ATG2A: variants seen among roughly 807,000 people sequenced by gnomAD.
ATG2A encodes autophagy related 2A, also known as autophagy-related protein 2 homolog A.
ATG2A carries 103 observed loss-of-function variants against 214.2 expected under a neutral mutation model. The ratio of observed to expected loss-of-function variants is 0.48; its 90% CI spans 0.41 to 0.57. ATG2A has a LOEUF of 0.57. Ranked by LOEUF, ATG2A falls within the 20% of genes least tolerant of loss-of-function variation. The pLI is 0.00. For missense variants in ATG2A, 2,312 were observed against 2,613.2 expected, an observed-to-expected ratio of 0.88 and a Z score of 2.51; for synonymous variants, 1,160 against 1,142.1, an observed-to-expected ratio of 1.02 and a Z score of -0.32.
In ATG2A at chr11:64,914,119, AG is replaced by A; in HGVS notation, c.448del (p.Leu150TrpfsTer20). ...CTGGGCAAACATCTCCAGCCCCTCCAGGGGCTGTGGTGGCTCAGAGGGCTCC... is the reference window on the plus strand; with the variant it reads ...CTGGGCAAACATCTCCAGCCCCTCCAGGGCTGTGGTGGCTCAGAGGGCTCC... Reference protein sequence around the residue: ...LPEPSEPPQPLEGLEMFAQTI... With the variant: ...LPEPSEPPQPXEGLEMFAQTI... On this transcript the variant is annotated frameshift_variant, in exon 3 of 41. Transcript: ENST00000377264. LOFTEE classifies it high-confidence loss of function. 6.4e-7 allele frequency: 1 copy of A among 1,552,644 alleles called. No homozygotes were observed. The highest frequency in any genetic ancestry group is 2.0e-5 in the Admixed American group (1 of 51,096).
chr11:64,910,193 G>A lies in ATG2A; in HGVS notation c.1710C>T (p.Ser570=), dbSNP rs1390110875. Residue 570 remains serine (S), a splice_region_variant and synonymous_variant, in exon 13 of 41, where the codon AGC becomes AGT. Coordinates refer to ENST00000377264, the MANE Select transcript of ATG2A (RefSeq NM_015104.3). ...HTQILRRVPK[S]RPRRSVACHC... ...GGCAGGCAACTGAGCGCCGGGGTCG[G>A]CTCTGAGGGCGAGGGCGTTCAGGTC... 6.3e-7 allele frequency: 1 copy of A among 1,595,350 alleles called. No homozygotes were observed. Among genetic ancestry groups the A allele is most frequent in the Non-Finnish European group, 8.5e-7 (1 of 1,171,748 alleles).
chr11:64,907,142 A>G, intron 19 of ATG2A, 113 bp downstream of exon 19: 1 of 1,305,468 alleles, frequency 7.7e-7, no homozygotes. Context: ...GGCGCTGCCC[A>G]CTCAGGCCTC....
chr11:64,908,648 C>T (rs893948486), intron 16 of ATG2A, among the ~76,000 whole-genome samples: 1 of 151,934 alleles, frequency 6.6e-6, no homozygotes, highest in African/African-American at 2.4e-5. Context: ...GGTCAGATAA[C>T]TCCCCAGGGT....
Position 64,913,226 on chromosome 11 carries a change from G to T in ATG2A, c.726+40C>A. The T allele has an allele frequency of 6.2e-7, 1 of 1,612,226 alleles. No individual in the cohort carries two copies. Among genetic ancestry groups the T allele is most frequent in the Non-Finnish European group, 8.5e-7 (1 of 1,179,748 alleles). On this transcript the variant is annotated intron_variant, in intron 5 of 40. Coordinates refer to ENST00000377264, the MANE Select transcript of ATG2A (RefSeq NM_015104.3). This position sits in a 1 kb window ranked among gnomAD's most constrained non-coding sequence, Gnocchi z 4.3. ...ATGGGAGGGGCTCAATGGGCTCAAG[G>T]GAGAGGAGACAGGGGCTGTGGGAAT...
chr11:64,900,006 A>T (rs185500315), intron 31 of ATG2A, among the ~76,000 whole-genome samples: 1 of 147,484 alleles, frequency 6.8e-6, no homozygotes, highest in Non-Finnish European at 1.5e-5. Context: ...CTATAGGCAC[A>T]CACCACTGCA....
chr11:64,902,524 C>T lies in ATG2A; in HGVS notation c.3769G>A (p.Gly1257Ser), dbSNP rs1277498404. Residue 1257 changes from glycine to serine, a missense_variant, in exon 27 of 41, where the codon GGC becomes AGC. Transcript: ENST00000377264. Reference protein sequence around the residue: ...PRPPSPTEIAGQKLSESPASL... With the variant: ...PRPPSPTEIASQKLSESPASL... ...CCAGGCCTCACCTGTACCTTCTGGC[C>T]GGCGATCTCCGTGGGGCTGGGGGGC... The T allele has an allele frequency of 7.3e-6, 9 of 1,237,012 alleles. No homozygotes were observed. The highest frequency in any genetic ancestry group is 8.1e-5 in the East Asian group (2 of 24,682). 76.6% of individuals were successfully genotyped at this position (1,237,012 alleles called of 1,614,324 possible). A position where few individuals can be genotyped will look rare whatever the true frequency, so the allele number is the denominator to read the frequency against.
chr11:64,912,053 C>T, intron 8 of ATG2A, 32 bp downstream of exon 8: 3 of 1,612,362 alleles, frequency 1.9e-6, no homozygotes, highest in Non-Finnish European at 2.5e-6. Flanking sequence ...ACACTAGCTG[C>T]CCCTCCAACC....
chr11:64,895,415 G>C lies in ATG2A; in HGVS notation c.5455C>G (p.Leu1819Val), dbSNP rs1275313271. The C allele has an allele frequency of 6.2e-7, 1 of 1,604,132 alleles. No individual in the cohort carries two copies. The change falls in exon 40 of 41, where the codon CTG (leucine) becomes GTG (valine). Residue 1819 changes from leucine (L) to valine (V), a missense_variant. Transcript: ENST00000377264. The surrounding 1 kb of genome is among the most constrained non-coding windows in gnomAD (Gnocchi z 5.0). ...QATAETVYDI[L>V]SPAAPVSRSL... ...CGGGAGACGGGGGCTGCCGGGGACA[G>C]GATGTCATACACGGTCTCAGCTGTG...
At position 64,917,193 on chromosome 11, in the gene ATG2A, C is replaced by G. The variant is rs920930930; in HGVS notation, c.-58G>C. The stretch of plus-strand genomic sequence containing the variant: ...TTGCCGCCCGCCGGCGATCCCCGTC[C>G]GGCTCCGCTGTTCACTAGAGCCCCC... On this transcript the variant is annotated 5_prime_UTR_variant, in exon 1 of 41. Transcript: ENST00000377264. 3.9e-6 allele frequency: 6 copies of G among 1,528,870 alleles called. No homozygotes were observed. In the East Asian group the frequency reaches 1.4e-4, roughly 36 times the overall value. 94.7% of individuals were successfully genotyped at this position (1,528,870 alleles called of 1,614,324 possible).
chr11:64,913,354 G>A lies in ATG2A; in HGVS notation c.638C>T (p.Pro213Leu), dbSNP rs181195252. 6.9e-5 allele frequency: 110 copies of A among 1,601,056 alleles called. No individual in the cohort carries two copies. In the East Asian group the frequency reaches 7.2e-4, roughly 10 times the overall value. ...EAVRDPSQAP[P>L]VDVHQPPAFL... ...GGCAGGCGGCTGATGCACGTCCACC[G>A]GCGGCGCCTGGCTTGGGTCCCGCAC... The change falls in exon 5 of 41, where the codon CCG becomes CTG. Residue 213 changes from proline to leucine, a missense_variant. Physicochemically the swap from Pro to Leu is moderately conservative, Grantham distance 98 (BLOSUM62 -3). Transcript: ENST00000377264. The surrounding 1 kb of genome is among the most constrained non-coding windows in gnomAD (Gnocchi z 4.3).
At chr11:64,901,193 T>TA in intron 29 of ATG2A, 101 bp from the exon 30 acceptor site, 1 of 1,281,852 alleles carries the variant, frequency 7.8e-7, no homozygotes, top group Non-Finnish European at 1.1e-6. Context: ...TTTTTTTTTT[T>TA]TTATAGACAG....
At chr11:64,916,598 T>TCA (rs1298839332) in intron 1 of ATG2A, among the ~76,000 whole-genome samples, 2 of 152,050 alleles carry the variant, frequency 1.3e-5, no homozygotes, top group East Asian at 3.9e-4. Context: ...CCCAAGTCTG[T>TCA]CACTGCCCTG....
rs768196765 is a variant in ATG2A at position 64,910,041 on chromosome 11, A to C, written c.1862T>G (p.Leu621Arg). 2 of 1,575,640 alleles carry C rather than the reference A, an allele frequency of 1.3e-6. No individual in the cohort carries two copies. The highest frequency in any genetic ancestry group is 3.5e-5 in the Admixed American group (2 of 57,160). The change falls in exon 13 of 41, where the codon CTG (leucine) becomes CGG (arginine). Residue 621 changes from leucine (L) to arginine (R), a missense_variant and splice_region_variant. By Grantham distance (102) the Leu-to-Arg change is moderately radical (BLOSUM62 -2). Coordinates refer to ENST00000377264, the MANE Select transcript of ATG2A (RefSeq NM_015104.3). ...TVPAEPPAGLLTEPLPAMEQQ... is the reference protein window; with the variant it reads ...TVPAEPPAGLRTEPLPAMEQQ... ...CTGGCCCTGGCAGGGGCCTCTCACCAGCAGGCCGGCTGGAGGCTCAGCAGG... is the reference window on the plus strand; with the variant it reads ...CTGGCCCTGGCAGGGGCCTCTCACCCGCAGGCCGGCTGGAGGCTCAGCAGG...
In ATG2A at chr11:64,903,633, G is replaced by T; in HGVS notation, c.3492C>A (p.Tyr1164Ter). The change falls in exon 25 of 41, where the codon TAC becomes TAA. Residue 1164 changes from tyrosine to a stop codon, truncating the protein, a stop_gained. Transcript: ENST00000377264. LOFTEE classifies it high-confidence loss of function. This position sits in a 1 kb window ranked among gnomAD's most constrained non-coding sequence, Gnocchi z 4.2. The part of the protein sequence containing the change: ...LRFILDDSAL[Y>*]LSDKCEVETL... ...TCTCCACCTCACACTTGTCGGACAG[G>T]TACAAGGCGGAGTCATCGAGGATGA... The T allele has an allele frequency of 6.5e-7, 1 of 1,550,108 alleles. No homozygotes were observed. The highest frequency in any genetic ancestry group is 8.7e-7 in the Non-Finnish European group (1 of 1,146,582).
intron 12 of ATG2A, 24 bp downstream of exon 12, chr11:64,910,592 G>A: frequency 1.3e-5 from 20 of 1,577,852 alleles, no homozygotes; most frequent in Non-Finnish European, 1.7e-5. Flanking sequence ...GGGACAGCCT[G>A]GTGGCCTGGA....
Position 64,898,297 on chromosome 11 carries a change from G to T in ATG2A, c.4737C>A (p.Arg1579=). Residue 1579 remains arginine (R), a synonymous_variant, in exon 33 of 41, where the codon CGC becomes CGA. Coordinates refer to ENST00000377264, the MANE Select transcript of ATG2A (RefSeq NM_015104.3). This position sits in a 1 kb window ranked among gnomAD's most constrained non-coding sequence, Gnocchi z 4.5. The stretch of plus-strand genomic sequence containing the variant: ...TGAGCCGCAGGGGCATCAGCGAGAC[G>T]CGGAGACAGCACTCAGGCCCACCCA... ...TNLGGPECCL[R]VSLMPLRLNV... The T allele has an allele frequency of 6.2e-7, 1 of 1,613,230 alleles. No individual in the cohort carries two copies. Among genetic ancestry groups the T allele is most frequent in the Non-Finnish European group, 8.5e-7 (1 of 1,179,694 alleles).
At chr11:64,901,706 C>G (rs1421484606) in intron 29 of ATG2A, among the ~76,000 whole-genome samples, 1 of 152,154 alleles carries the variant, frequency 6.6e-6, no homozygotes, top group East Asian at 1.9e-4. Flanking sequence ...CCTTGAATTT[C>G]CCAGTCCCTC....
intron 3 of ATG2A, 76 bp downstream of exon 3, chr11:64,914,005 G>A (rs530898783): frequency 1.2e-5 from 18 of 1,563,078 alleles, no homozygotes; most frequent in South Asian, 5.8e-5. Flanking sequence ...CAGGGTGGCC[G>A]TGCCGTTGTC....
At position 64,909,884 on chromosome 11, in the gene ATG2A, C is replaced by CGA; in HGVS notation, c.1902_1903dup (p.Arg635LeufsTer40). ...CAGCGTGGCCCGGGGTGCAGAGAGC[C>CGA]GAAATACCGTCTGCTGCTCCATCGC... On this transcript the variant is annotated frameshift_variant, in exon 14 of 41. Transcript: ENST00000377264. LOFTEE classifies it high-confidence loss of function. The CGA allele has an allele frequency of 6.2e-7, 1 of 1,607,808 alleles. No individual in the cohort carries two copies. The highest frequency in any genetic ancestry group is 1.1e-5 in the South Asian group (1 of 90,936).
Sources: gnomAD v4.1 joint callset for allele counts (sites outside exome capture counted in the v4.1 genomes callset) on GRCh38, gnomAD v4.1.1 for gene constraint, Gnocchi (gnomAD v3.1) non-coding constraint, MANE v1.5 for transcripts, NCBI Gene and HGNC (gene_info 2026-07-23, HGNC 2026-07-21) for gene names.